PRLR: variants seen among roughly 807,000 people sequenced by gnomAD.
PRLR encodes prolactin receptor, also known as hPRL receptor.
Under a neutral mutation model 40.2 loss-of-function variants are expected in PRLR, and 13 were observed. That is an observed-to-expected ratio of 0.32 (90% CI 0.21 to 0.51). The LOEUF is 0.51. Among genes scored for constraint, PRLR ranks in the 20% least tolerant of loss-of-function variants. The pLI is 0.97. For missense variants in PRLR, 656 were observed against 747.3 expected (o/e 0.88, Z 1.42); for synonymous variants, 269 against 278.7 (o/e 0.97, Z 0.35).
Position 35,065,542 on chromosome 5 carries a change from C to T in PRLR, c.1416G>A (p.Lys472=). 1.2e-6 allele frequency: 2 copies of T among 1,614,094 alleles called. No homozygotes were observed. Among genetic ancestry groups the T allele is most frequent in the Admixed American group, 1.7e-5 (1 of 60,020 alleles). Residue 472 remains lysine (K), a synonymous_variant, in exon 10 of 10, where the codon AAG becomes AAA. Transcript: ENST00000618457. ...SQTIKSREEG[K]ATQQREVESF... ...TTTCTACCTCCCTCTGCTGGGTTGC[C>T]TTTCCCTCTTCTCTAGACTTAATGG...
At chr5:35,159,465 G>A (rs947455585) in intron 1 of PRLR, among the ~76,000 whole-genome samples, 1 of 152,084 alleles carries the variant, frequency 6.6e-6, no homozygotes, top group Admixed American at 6.6e-5. Context: ...TCACCAGAGA[G>A]CCCTCCACTC....
chr5:35,193,012 G>A (rs1480174485), intron 1 of PRLR, among the ~76,000 whole-genome samples: 1 of 152,186 alleles, frequency 6.6e-6, no homozygotes, highest in Non-Finnish European at 1.5e-5. Flanking sequence ...CTTGTGGTTT[G>A]AAGAGTCTGA....
At chr5:35,200,869 G>A (rs1425039120) in intron 1 of PRLR, among the ~76,000 whole-genome samples, 3 of 152,128 alleles carry the variant, frequency 2.0e-5, no homozygotes, top group African/African-American at 7.2e-5. Context: ...ACAGATGAAC[G>A]GAGGCAGGGT....
intron 1 of PRLR, among the ~76,000 whole-genome samples, chr5:35,222,251 C>T (rs922549498): frequency 2.0e-5 from 3 of 151,880 alleles, no homozygotes; most frequent in African/African-American, 4.8e-5. Context: ...TGCGGTGAGC[C>T]GAGATCGCGC....
At chr5:35,133,821 TGCCAA>T (rs1325582012) in intron 1 of PRLR, among the ~76,000 whole-genome samples, 1 of 152,230 alleles carries the variant, frequency 6.6e-6, no homozygotes, top group African/African-American at 2.4e-5. Flanking sequence ...GTCTCATTTT[TGCCAA>T]GTGGTCATGA....
chr5:35,115,957 C>A (rs549882807), intron 2 of PRLR, among the ~76,000 whole-genome samples: 2 of 152,238 alleles, frequency 1.3e-5, no homozygotes, highest in Non-Finnish European at 2.9e-5. Context: ...ATGAATATTG[C>A]TTTCTGGATG....
intron 1 of PRLR, among the ~76,000 whole-genome samples, chr5:35,156,716 A>G (rs925940802): frequency 3.9e-5 from 6 of 152,124 alleles, no homozygotes; most frequent in Non-Finnish European, 8.8e-5. Context: ...ATTGTGCTCA[A>G]AGTTATCATG....
chr5:35,183,053 G>C (rs2111982619), intron 1 of PRLR, among the ~76,000 whole-genome samples: 1 of 152,274 alleles, frequency 6.6e-6, no homozygotes, highest in East Asian at 1.9e-4. Flanking sequence ...TCCCACCCAA[G>C]GAAAAGAATT....
intron 5 of PRLR, among the ~76,000 whole-genome samples, chr5:35,079,037 A>T (rs993238791): frequency 3.3e-5 from 5 of 152,210 alleles, no homozygotes; most frequent in African/African-American, 1.2e-4. Context: ...TCAATAAACT[A>T]GGTATTGATG....
At chr5:35,108,848 A>G (rs1019907563) in intron 2 of PRLR, among the ~76,000 whole-genome samples, 2 of 152,248 alleles carry the variant, frequency 1.3e-5, no homozygotes, top group Non-Finnish European at 2.9e-5. Context: ...CTTTCTTCAC[A>G]GAATTGGAAA....
chr5:35,198,615 G>T (rs1174890550), intron 1 of PRLR, among the ~76,000 whole-genome samples: 1 of 152,206 alleles, frequency 6.6e-6, no homozygotes, highest in Non-Finnish European at 1.5e-5. Context: ...GATCTTATGT[G>T]TTGTAGTTTG....
At chr5:35,153,515 C>T (rs1774397584) in intron 1 of PRLR, among the ~76,000 whole-genome samples, 1 of 152,160 alleles carries the variant, frequency 6.6e-6, no homozygotes. Context: ...TAATTCCCTT[C>T]TGGGCTTTCG....
intron 1 of PRLR, among the ~76,000 whole-genome samples, chr5:35,210,483 G>A (rs184466528): frequency 6.6e-6 from 1 of 152,302 alleles, no homozygotes; most frequent in African/African-American, 2.4e-5. Context: ...GTAAATTCAT[G>A]CAAACTTTTC....
intron 1 of PRLR, among the ~76,000 whole-genome samples, chr5:35,172,188 A>G (rs990536813): frequency 6.6e-6 from 1 of 152,218 alleles, no homozygotes; most frequent in Non-Finnish European, 1.5e-5. Flanking sequence ...TTCAGTCTGT[A>G]CTACAGTGAC....
intron 1 of PRLR, among the ~76,000 whole-genome samples, chr5:35,176,365 C>T (rs1775147284): frequency 6.6e-6 from 1 of 152,008 alleles, no homozygotes; most frequent in African/African-American, 2.4e-5. Flanking sequence ...ACAAACTCAC[C>T]CTTTTACAGT....
At chr5:35,215,095 C>T (rs1776253973) in intron 1 of PRLR, among the ~76,000 whole-genome samples, 1 of 152,134 alleles carries the variant, frequency 6.6e-6, no homozygotes, top group African/African-American at 2.4e-5. Context: ...CATCAGTCTG[C>T]CATCTTCTAG....
At chr5:35,095,748 G>C (rs551397521) in intron 2 of PRLR, among the ~76,000 whole-genome samples, 41 of 152,250 alleles carry the variant, frequency 2.7e-4, no homozygotes, top group African/African-American at 9.6e-4. Context: ...GCTGTTTCTT[G>C]AGCAGGTTTC....
At position 35,058,690 on chromosome 5, in the gene PRLR, T is replaced by C. The variant is rs1394899573; in HGVS notation, c.*6399A>G. 2 of 152,218 alleles carry C rather than the reference T, an allele frequency of 1.3e-5. No homozygotes were observed. Among genetic ancestry groups the C allele is most frequent in the South Asian group, 4.1e-4 (2 of 4,830 alleles). 9.4% of individuals were successfully genotyped at this position (152,218 alleles called of 1,614,324 possible). A position where few individuals can be genotyped will look rare whatever the true frequency, so the allele number is the denominator to read the frequency against. On this transcript the variant is annotated 3_prime_UTR_variant, in exon 10 of 10. Transcript: ENST00000618457. ...TATGGATAAATTGTAAGTTATTAAG[T>C]AATGATTTTCATTTGTATTACATGA...
chr5:35,104,482 C>T (rs1026270929), intron 2 of PRLR, among the ~76,000 whole-genome samples: 3 of 152,024 alleles, frequency 2.0e-5, no homozygotes, highest in East Asian at 1.9e-4. Context: ...CAAGGGAAGC[C>T]GTGACAGACA....
Sources: gnomAD v4.1 joint callset for allele counts (sites outside exome capture counted in the v4.1 genomes callset) on GRCh38, gnomAD v4.1.1 for gene constraint, MANE v1.5 for transcripts, NCBI Gene and HGNC (gene_info 2026-07-23, HGNC 2026-07-21) for gene names.